IQSEC1: variants seen among roughly 807,000 people sequenced by gnomAD.
The protein encoded by IQSEC1 is IQ motif and Sec7 domain ArfGEF 1, also known as IQ motif and SEC7 domain-containing protein 1.
A neutral mutation model predicts 91.0 loss-of-function variants in IQSEC1; 31 were observed. The ratio of observed to expected loss-of-function variants is 0.34; its 90% confidence interval spans 0.26 to 0.46. The LOEUF (loss-of-function observed/expected upper bound fraction) is 0.46, where lower values mean the gene tolerates loss of function less well. IQSEC1 is among the 20% of genes least tolerant of loss of function. The probability of loss-of-function intolerance (pLI) is 1.00; values close to 1 mark genes in which losing one functional copy is unlikely to be tolerated. For synonymous variants in IQSEC1, 699 were observed against 662.6 expected, an observed-to-expected ratio of 1.05 and a Z score of -0.84; for missense variants, 1,388 against 1,575.6, an observed-to-expected ratio of 0.88 and a Z score of 2.02.
intron 1 of IQSEC1, among the ~76,000 whole-genome samples, chr3:13,228,393 C>A (rs1694793121): frequency 6.6e-6 from 1 of 151,988 alleles, no homozygotes; most frequent in South Asian, 2.1e-4. Context: ...ACTTCCCTCC[C>A]AGAGCCACTC....
intron 2 of IQSEC1, among the ~76,000 whole-genome samples, chr3:13,102,894 C>T (rs1356990457): frequency 2.0e-5 from 3 of 152,224 alleles, no homozygotes; most frequent in Admixed American, 1.3e-4. Flanking sequence ...TTAGTCCTTA[C>T]AACCACCCTG....
Position 13,206,703 on chromosome 3 carries a change from C to T in IQSEC1, c.273-42570G>A, listed in dbSNP as rs116736076. On this transcript the variant is annotated intron_variant, in intron 1 of 15. Coordinates refer to the IQSEC1 transcript ENST00000648114. The stretch of plus-strand genomic sequence containing the variant: ...GGATGAATGTAAGATGGACAGCAGT[C>T]ACCTGTGGGAAAGGAGGCAGGTGGG... 7.9e-3 allele frequency among the ~76,000 whole-genome samples: 1,209 copies of T among 152,260 alleles called. 12 individuals carry two copies. Among genetic ancestry groups the T allele is most frequent in the African/African-American group, 0.028 (1,163 of 41,536 alleles).
intron 1 of IQSEC1, among the ~76,000 whole-genome samples, chr3:13,186,272 T>C (rs1693930526): frequency 6.6e-6 from 1 of 152,186 alleles, no homozygotes; most frequent in Admixed American, 6.5e-5. Flanking sequence ...TGCCTCTGGG[T>C]GGAAGCTCTG....
intron 1 of IQSEC1, among the ~76,000 whole-genome samples, chr3:13,192,264 G>A (rs545565139): frequency 1.3e-5 from 2 of 151,914 alleles, no homozygotes; most frequent in Non-Finnish European, 2.9e-5. Context: ...CGTGACCCCG[G>A]GAGGCGGAGC....
chr3:13,077,344 C>A (rs1290424659), upstream of IQSEC1, among the ~76,000 whole-genome samples: 3 of 152,220 alleles, frequency 2.0e-5, no homozygotes, highest in African/African-American at 7.2e-5. Context: ...AATCCCCTCG[C>A]CAGCCCTGCC....
At chr3:13,198,434 C>G (rs886720688) in intron 1 of IQSEC1, among the ~76,000 whole-genome samples, 7 of 152,166 alleles carry the variant, frequency 4.6e-5, no homozygotes, top group Middle Eastern at 3.4e-3. Context: ...AACTCACCAA[C>G]CAGGGTAGGC....
At chr3:12,931,825 G>A (rs1697704076) in intron 3 of IQSEC1, among the ~76,000 whole-genome samples, 1 of 152,196 alleles carries the variant, frequency 6.6e-6, no homozygotes, top group Admixed American at 6.5e-5. Context: ...CACAGAAGGG[G>A]GCTGCCTCCA....
At chr3:13,221,918 G>A (rs1694667080) in intron 1 of IQSEC1, among the ~76,000 whole-genome samples, 5 of 152,344 alleles carry the variant, frequency 3.3e-5, no homozygotes, top group Middle Eastern at 3.4e-3. Flanking sequence ...GACCAGGCCC[G>A]CCTGGAGATG....
intron 1 of IQSEC1, among the ~76,000 whole-genome samples, chr3:12,953,795 A>C (rs183022231): frequency 6.6e-6 from 1 of 152,208 alleles, no homozygotes; most frequent in Non-Finnish European, 1.5e-5. Flanking sequence ...CAGTAACATT[A>C]TGGGCTAGAG....
chr3:13,069,390 G>GGCGT (rs33997561), intron 1 of IQSEC1, among the ~76,000 whole-genome samples: 7 of 151,336 alleles, frequency 4.6e-5, no homozygotes, highest in African/African-American at 1.2e-4. Context: ...GTTTCTTGGA[G>GGCGT]GTGTGTGTGT....
intron 1 of IQSEC1, among the ~76,000 whole-genome samples, chr3:13,064,862 C>T (rs528137462): frequency 1.3e-5 from 2 of 152,370 alleles, no homozygotes; most frequent in East Asian, 3.9e-4. Context: ...CCCACATGCC[C>T]TCTGGCAGCT....
chr3:13,143,063 T>C, intron 2 of IQSEC1, among the ~76,000 whole-genome samples: 1 of 152,226 alleles, frequency 6.6e-6, no homozygotes, highest in South Asian at 2.1e-4. Flanking sequence ...CCATCCCGTC[T>C]CTTTCTTCAT....
At chr3:12,927,365 C>T (rs1188200127) in intron 3 of IQSEC1, among the ~76,000 whole-genome samples, 1 of 148,388 alleles carries the variant, frequency 6.7e-6, no homozygotes, top group Middle Eastern at 3.2e-3. Flanking sequence ...GGGCTAGGCT[C>T]CCCGACCCCT....
chr3:12,943,286 G>A (rs1379412526), intron 1 of IQSEC1, among the ~76,000 whole-genome samples: 1 of 152,152 alleles, frequency 6.6e-6, no homozygotes, highest in African/African-American at 2.4e-5. Flanking sequence ...CACCATGGGG[G>A]AGCAGTGCCC....
chr3:13,037,807 A>C (rs964767409), intron 1 of IQSEC1, among the ~76,000 whole-genome samples: 4 of 152,162 alleles, frequency 2.6e-5, no homozygotes, highest in African/African-American at 7.2e-5. Context: ...AGGTCCCCAG[A>C]GCAGTGAAAT....
At chr3:13,184,418 A>G (rs759982732) in intron 1 of IQSEC1, among the ~76,000 whole-genome samples, 3 of 152,238 alleles carry the variant, frequency 2.0e-5, no homozygotes, top group African/African-American at 2.4e-5. Flanking sequence ...CTGATTCATG[A>G]TGAGAATTCT....
chr3:13,239,355 G>A (rs1219411356), intron 1 of IQSEC1, among the ~76,000 whole-genome samples: 1 of 152,240 alleles, frequency 6.6e-6, no homozygotes, highest in Non-Finnish European at 1.5e-5. Context: ...AGATCTGGAA[G>A]AGGCAGGCGG....
chr3:12,931,357 A>C (rs1697656703), intron 3 of IQSEC1, among the ~76,000 whole-genome samples: 2 of 152,246 alleles, frequency 1.3e-5, no homozygotes, highest in Non-Finnish European at 2.9e-5. Context: ...CTACGGGAGC[A>C]GCACTGCACA....
rs748455859 is a variant in IQSEC1, at chr3:13,186,952, G to GGCCC, written c.273-22823_273-22820dup. The stretch of plus-strand genomic sequence containing the variant: ...ACTGTCTGCCCTTCCTCTCTTCCAT[G>GGCCC]GCCCGCTCCTTACTTCCTTCCCTCC... On this transcript the variant is annotated intron_variant, in intron 1 of 15. Coordinates refer to the IQSEC1 transcript ENST00000648114. Among the ~76,000 whole-genome samples, 236 of 152,148 alleles carry GGCCC rather than the reference G, an allele frequency of 1.6e-3. 2 individuals are homozygous for GGCCC. Among genetic ancestry groups the GGCCC allele is most frequent in the Middle Eastern group, 3.4e-3 (1 of 294 alleles).
Sources: allele counts gnomAD v4.1 joint callset (sites outside exome capture counted in the v4.1 genomes callset), GRCh38; gene constraint gnomAD v4.1.1; transcripts MANE v1.5; gene names NCBI Gene and HGNC (gene_info 2026-07-23, HGNC 2026-07-21).